MUC4: variants seen among roughly 807,000 people sequenced by gnomAD.
MUC4 encodes mucin 4, cell surface associated, also known as mucin-4.
In MUC4, 202 loss-of-function variants were observed where a neutral mutation model predicts 257.9. The ratio of observed to expected loss-of-function variants is 0.78; its 90% CI spans 0.70 to 0.88. The LOEUF (loss-of-function observed/expected upper bound fraction) is 0.88. Ranked by LOEUF, MUC4 falls within the 40% of genes least tolerant of loss-of-function variation. The probability of loss-of-function intolerance (pLI) is 0.00; values close to 1 mark genes in which losing one functional copy is unlikely to be tolerated. For missense variants in MUC4, 5,976 were observed against 6,513.7 expected, an observed-to-expected ratio of 0.92 and a Z score of 2.84; for synonymous variants, 2,351 against 2,757.1, an observed-to-expected ratio of 0.85 and a Z score of 4.62.
intron 19 of MUC4, 180 bp downstream of exon 19, chr3:195,754,033 A>T (rs1717016369): frequency 8.5e-6 from 7 of 818,890 alleles, no homozygotes; most frequent in Middle Eastern, 2.9e-4. Flanking sequence ...GCCTGCCTAG[A>T]TTTCCCATAC....
At chr3:195,767,549 T>TCACCATCACCACCACCATCATCACCAC (rs1560261560) in intron 7 of MUC4, among the ~76,000 whole-genome samples, 2 of 72,548 alleles carry the variant, frequency 2.8e-5, no homozygotes, top group Non-Finnish European at 2.6e-5. Context: ...ATCATCACCA[T>TCACCATCACCACCACCATCATCACCAC]CACCATTACC....
Position 195,778,914 on chromosome 3 carries a change from G to T in MUC4, c.12666C>A (p.Ala4222=). The part of the protein sequence containing the change: ...TDTSSASTGH[A]TPLPVTSLSS... Reference sequence around the variant, plus strand: ...AAAGGCTGGTGACAGGAAGAGGGGTGGCGTGACCTGTGGATGCTGAGGAAG... The same window carrying T: ...AAAGGCTGGTGACAGGAAGAGGGGTTGCGTGACCTGTGGATGCTGAGGAAG... The change falls in exon 2 of 25, where the codon GCC becomes GCA. Residue 4222 remains alanine (A), a synonymous_variant. Coordinates refer to ENST00000463781, the MANE Select transcript of MUC4 (RefSeq NM_018406.7). 6.4e-7 allele frequency: 1 copy of T among 1,560,590 alleles called. No individual in the cohort carries two copies. The highest frequency in any genetic ancestry group is 8.7e-7 in the Non-Finnish European group (1 of 1,153,560).
Position 195,790,212 on chromosome 3 carries a change from A to T in MUC4, c.1368T>A (p.Ser456Arg), listed in dbSNP as rs749737474. 2 of 1,613,704 alleles carry T rather than the reference A, an allele frequency of 1.2e-6. No homozygotes were observed. The highest frequency in any genetic ancestry group is 1.7e-6 in the Non-Finnish European group (2 of 1,179,872). ...KISTAFHTQQ[S>R]EGAETTGRPH... ...GCCGTCCTGTGGTCTCTGCACCTTC[A>T]CTCTGCTGGGTGTGGAAAGCTGTGG... The change falls in exon 2 of 25, where the codon AGT (serine) becomes AGA (arginine). Residue 456 changes from serine to arginine, a missense_variant. Physicochemically the swap from Ser to Arg is moderately radical, Grantham distance 110. Around this residue, in one of 44 missense-constraint regions of MUC4, gnomAD observed 1,583 missense variants for 1,257.4 expected, o/e 1.26. Transcript: ENST00000463781.
intron 4 of MUC4, among the ~76,000 whole-genome samples, chr3:195,773,006 G>A (rs373776452): frequency 0.011 from 680 of 63,774 alleles, no homozygotes; most frequent in Middle Eastern, 0.037. Context: ...TCAGGGGTGT[G>A]GACACCCTCT....
chr3:195,792,092 T>C (rs115905921), intron 1 of MUC4, among the ~76,000 whole-genome samples: 30 of 152,222 alleles, frequency 2.0e-4, no homozygotes, highest in Non-Finnish European at 4.1e-4. Flanking sequence ...GATTTTATGA[T>C]GAAATCTCCA....
Position 195,759,131 on chromosome 3 carries a change from C to G in MUC4, c.14979G>C (p.Glu4993Asp), listed in dbSNP as rs1718265414. ...FTLRDSCTDL[E>D]LFENGTLLWT... ...CCAGCCAAATAGTCCTACCAAAGAG[C>G]TCCAAGTCGGTGCAGCTGTCTCTGA... Residue 4993 changes from glutamate to aspartate, a missense_variant, in exon 17 of 25, where the codon GAG becomes GAC. Physicochemically the swap from Glu to Asp is conservative, Grantham distance 45. Coordinates refer to ENST00000463781, the MANE Select transcript of MUC4 (RefSeq NM_018406.7). 1 of 1,613,860 alleles carries G rather than the reference C, an allele frequency of 6.2e-7. No individual in the cohort carries two copies. Among genetic ancestry groups the G allele is most frequent in the African/African-American group, 1.3e-5 (1 of 74,898 alleles).
At position 195,783,442 on chromosome 3, in the gene MUC4, G is replaced by C; in HGVS notation, c.8138C>G (p.Ala2713Gly). Residue 2713 changes from alanine (A) to glycine (G), a missense_variant, in exon 2 of 25, where the codon GCA becomes GGA. By Grantham distance (60) the Ala-to-Gly change is moderately conservative. This residue lies in a region of MUC4 where 75 missense variants were observed against 58.7 expected (regional missense o/e 1.28). Coordinates refer to ENST00000463781, the MANE Select transcript of MUC4 (RefSeq NM_018406.7). ...TSLPVTDTSS[A>G]YTGDTTSLPV... ...AAGAGAGGTGGTGTCACCTGTGTATGCTGAGGAAGTGTCGGTGACAGGAAG... is the reference window on the plus strand; with the variant it reads ...AAGAGAGGTGGTGTCACCTGTGTATCCTGAGGAAGTGTCGGTGACAGGAAG... The C allele has an allele frequency of 1.3e-6, 1 of 744,324 alleles. No homozygotes were observed. Among genetic ancestry groups the C allele is most frequent in the South Asian group, 2.2e-5 (1 of 45,740 alleles). 46.1% of individuals were successfully genotyped at this position (744,324 alleles called of 1,614,324 possible).
Position 195,757,045 on chromosome 3 carries a change from C to T in MUC4, c.15168+102G>A. The T allele has an allele frequency of 7.9e-7, 1 of 1,266,664 alleles. No homozygotes were observed. The highest frequency in any genetic ancestry group is 1.1e-6 in the Non-Finnish European group (1 of 901,164). 78.5% of individuals were successfully genotyped at this position (1,266,664 alleles called of 1,614,324 possible). On this transcript the variant is annotated intron_variant, in intron 18 of 24. Transcript: ENST00000463781. The surrounding 1 kb of genome is among the most constrained non-coding windows in gnomAD (Gnocchi z 4.8). ...ACCTACCACTGCTCCACCCATCTCCCAACACAGACACACCCAGGACAGGCA... is the reference window on the plus strand; with the variant it reads ...ACCTACCACTGCTCCACCCATCTCCTAACACAGACACACCCAGGACAGGCA...
chr3:195,761,878 G>A (rs1322813083), intron 14 of MUC4, among the ~76,000 whole-genome samples: 1 of 152,138 alleles, frequency 6.6e-6, no homozygotes. Flanking sequence ...CCCCCCTGAT[G>A]CTCCCTTAGA....
In MUC4 at chr3:195,785,841, T is replaced by A; in HGVS notation, c.5739A>T (p.Val1913=). The A allele has an allele frequency of 6.6e-7, 1 of 1,504,650 alleles. No homozygotes were observed. Among genetic ancestry groups the A allele is most frequent in the Non-Finnish European group, 8.9e-7 (1 of 1,120,100 alleles). The allele number at this position is 1,504,650 out of a possible 1,614,324, so 93.2% of individuals were successfully genotyped here. A position where few individuals can be genotyped will look rare whatever the true frequency, so the allele number is the denominator to read the frequency against. Residue 1913 remains valine (V), a synonymous_variant, in exon 2 of 25, where the codon GTA becomes GTT. Coordinates refer to ENST00000463781, the MANE Select transcript of MUC4 (RefSeq NM_018406.7). ...GAAGAGAGGTGGCGTGACCTGTGGA[T>A]ACTGAGGAAGCGTCGGTGACATGAA... The part of the protein sequence containing the change: ...TPLHVTDASS[V]STGHATSLPV...
chr3:195,765,206 A>T lies in MUC4; in HGVS notation c.13798+64T>A, dbSNP rs1237471416. 4 of 1,545,766 alleles carry T rather than the reference A, an allele frequency of 2.6e-6. No homozygotes were observed. In the Admixed American group the frequency reaches 5.4e-5, roughly 21 times the overall value. On this transcript the variant is annotated intron_variant, in intron 9 of 24. Transcript: ENST00000463781. Reference sequence around the variant, plus strand: ...ACAAGCAGGGGCTGTTTCTGGGGAGAGGCTGAGGGCGTGAGCAGAGAGGGT... The same window carrying T: ...ACAAGCAGGGGCTGTTTCTGGGGAGTGGCTGAGGGCGTGAGCAGAGAGGGT...
At chr3:195,766,425 G>A (rs1455799196) in intron 8 of MUC4, among the ~76,000 whole-genome samples, 1 of 152,106 alleles carries the variant, frequency 6.6e-6, no homozygotes, top group Non-Finnish European at 1.5e-5. Context: ...GTTCATCTGA[G>A]GGAGGAGATG....
chr3:195,751,155 G>T (rs773526041), intron 22 of MUC4, 43 bp from the exon 23 acceptor site: 1 of 1,499,072 alleles, frequency 6.7e-7, no homozygotes, highest in Non-Finnish European at 9.1e-7. Context: ...GGGGCTGGGG[G>T]TGGGGGATGA....
chr3:195,754,442 T>C, intron 18 of MUC4, 70 bp from the exon 19 acceptor site: 1 of 1,531,448 alleles, frequency 6.5e-7, no homozygotes. Flanking sequence ...TGTTTCTGAC[T>C]GACCCCTTTG....
chr3:195,781,208 G>T lies in MUC4; in HGVS notation c.10372C>A (p.Pro3458Thr), dbSNP rs1300447403. The T allele has an allele frequency of 9.9e-6, 14 of 1,418,042 alleles. No homozygotes were observed. Among genetic ancestry groups the T allele is most frequent in the Non-Finnish European group, 1.3e-5 (14 of 1,060,244 alleles). 87.8% of individuals were successfully genotyped at this position (1,418,042 alleles called of 1,614,324 possible). A position where few individuals can be genotyped will look rare whatever the true frequency, so the allele number is the denominator to read the frequency against. ...GATGCTGAGGAAGTGTCGGTGACAG[G>T]AAGAGGGGTGGTGTGACCTGTAGAT... Reference protein sequence around the residue: ...SASTGHTTPLPVTDTSSASTG... With the variant: ...SASTGHTTPLTVTDTSSASTG... Residue 3458 changes from proline to threonine, a missense_variant, in exon 2 of 25, where the codon CCT becomes ACT. This residue lies in a region of MUC4 where 297 missense variants were observed against 240.9 expected (regional missense o/e 1.23). Transcript: ENST00000463781.
intron 24 of MUC4, 96 bp from the exon 25 acceptor site, chr3:195,747,476 G>C: frequency 7.2e-7 from 1 of 1,380,928 alleles, no homozygotes; most frequent in East Asian, 2.4e-5. Context: ...CTGTAGGAGA[G>C]GCTGGGCTCG....
intron 3 of MUC4, among the ~76,000 whole-genome samples, chr3:195,775,905 C>G (rs1328471222): frequency 1.9e-4 from 20 of 103,338 alleles, no homozygotes; most frequent in African/African-American, 6.5e-4. Context: ...CCTTCCACAC[C>G]CATACCTTCC....
rs112536072 is a variant in MUC4, at chr3:195,746,994, C to G, written c.*182G>C. On this transcript the variant is annotated 3_prime_UTR_variant, in exon 25 of 25. Coordinates refer to ENST00000463781, the MANE Select transcript of MUC4 (RefSeq NM_018406.7). Reference sequence around the variant, plus strand: ...CATGTTTGATCTTTATGGCCTCCCCCTGTGCACCTGCGCCTATGGATAAGG... The same window carrying G: ...CATGTTTGATCTTTATGGCCTCCCCGTGTGCACCTGCGCCTATGGATAAGG... The G allele has an allele frequency of 5.0e-4, 433 of 874,704 alleles. 1 individual carries two copies. In the African/African-American group the frequency reaches 6.1e-3, roughly 12 times the overall value. 54.2% of individuals were successfully genotyped at this position (874,704 alleles called of 1,614,324 possible). A position where few individuals can be genotyped will look rare whatever the true frequency, so the allele number is the denominator to read the frequency against.
At position 195,788,304 on chromosome 3, in the gene MUC4, A is replaced by C. The variant is rs112260425; in HGVS notation, c.3276T>G (p.Thr1092=). ...STGDTTPLPV[T]DTSSASTGHA... ...GACCTGTGGATGCTGAGGAAGTGTC[A>C]GTGACAGGAAGAGGGGTGGTGTCAC... Residue 1092 remains threonine (T), a synonymous_variant, in exon 2 of 25, where the codon ACT becomes ACG. Transcript: ENST00000463781. 1.0e-6 allele frequency: 1 copy of C among 997,900 alleles called. No homozygotes were observed. The highest frequency in any genetic ancestry group is 1.3e-6 in the Non-Finnish European group (1 of 785,110). 61.8% of individuals were successfully genotyped at this position (997,900 alleles called of 1,614,324 possible). A position where few individuals can be genotyped will look rare whatever the true frequency, so the allele number is the denominator to read the frequency against.
Sources: gnomAD v4.1 joint callset for allele counts (sites outside exome capture counted in the v4.1 genomes callset) on GRCh38, gnomAD v4.1.1 for gene constraint, gnomAD v4.1.1 regional missense constraint, Gnocchi (gnomAD v3.1) non-coding constraint, MANE v1.5 for transcripts, NCBI Gene and HGNC (gene_info 2026-07-23, HGNC 2026-07-21) for gene names.